The following CSGALNACT1 variants were observed in gnomAD, a reference collection of about 807,000 sequenced individuals.
The protein encoded by CSGALNACT1 is beta4GalNAcT-1.
A neutral mutation model predicts 51.0 loss-of-function variants in CSGALNACT1; 52 were observed. The ratio of observed to expected loss-of-function variants is 1.02; its 90% confidence interval spans 0.82 to 1.29. The LOEUF (loss-of-function observed/expected upper bound fraction) is 1.29. CSGALNACT1 is among the 50% of genes most tolerant of loss of function. The pLI, the probability that CSGALNACT1 is intolerant of heterozygous loss-of-function variation, is 0.00. For missense variants in CSGALNACT1, 935 were observed against 679.2 expected (o/e 1.38, Z -4.19); for synonymous variants, 341 against 254.4 (o/e 1.34, Z -3.24).
intron 1 of CSGALNACT1, among the ~76,000 whole-genome samples, chr8:19,689,696 T>C (rs1327871412): frequency 1.3e-5 from 2 of 152,174 alleles, no homozygotes; most frequent in Admixed American, 1.3e-4. Context: ...CCAACCAAAA[T>C]AGAGTCACTC....
chr8:19,509,472 A>G (rs749020927), intron 3 of CSGALNACT1, among the ~76,000 whole-genome samples: 5 of 152,022 alleles, frequency 3.3e-5, no homozygotes, highest in Non-Finnish European at 5.9e-5. Context: ...TACAAAAATT[A>G]GTCAGGTATC....
At chr8:19,470,140 C>G (rs1268835309) in intron 4 of CSGALNACT1, among the ~76,000 whole-genome samples, 2 of 152,128 alleles carry the variant, frequency 1.3e-5, no homozygotes, top group Non-Finnish European at 2.9e-5. Context: ...ATGGGACCTA[C>G]AACCCCGCAA....
At chr8:19,407,923 G>GTGTC (rs1554499515) in intron 9 of CSGALNACT1, among the ~76,000 whole-genome samples, 2 of 130,876 alleles carry the variant, frequency 1.5e-5, no homozygotes, top group African/African-American at 5.1e-5. Context: ...GTGTGTGTGT[G>GTGTC]TGTGTGTGTG....
intron 1 of CSGALNACT1, among the ~76,000 whole-genome samples, chr8:19,656,567 T>C (rs1447787121): frequency 6.8e-6 from 1 of 147,778 alleles, no homozygotes; most frequent in Non-Finnish European, 1.5e-5. Context: ...ACACACACAG[T>C]GACCAAGAAC....
At chr8:19,615,864 T>C (rs1234727770) in intron 1 of CSGALNACT1, among the ~76,000 whole-genome samples, 1 of 145,718 alleles carries the variant, frequency 6.9e-6, no homozygotes. Flanking sequence ...ACAAAGAACA[T>C]GTGAAAAACG....
intron 3 of CSGALNACT1, among the ~76,000 whole-genome samples, chr8:19,530,305 TACACATAC>T (rs1445065126): frequency 6.9e-4 from 103 of 149,224 alleles, no homozygotes; most frequent in East Asian, 5.5e-3. Context: ...CATGAATGTG[TACACATAC>T]ACACACACAC....
intron 1 of CSGALNACT1, among the ~76,000 whole-genome samples, chr8:19,632,704 G>T (rs896931322): frequency 6.6e-6 from 1 of 152,138 alleles, no homozygotes; most frequent in South Asian, 2.1e-4. Context: ...CTCTCCCCAG[G>T]AAAGGAAAGT....
intron 5 of CSGALNACT1, 41 bp downstream of exon 4, chr8:19,458,385 A>G (rs1211997786): frequency 1.6e-5 from 24 of 1,467,300 alleles, no homozygotes; most frequent in Non-Finnish European, 1.9e-6. Context: ...GTTCTAACAC[A>G]CATCATGCGG....
chr8:19,580,985 G>C (rs2045439866), intron 3 of CSGALNACT1, among the ~76,000 whole-genome samples: 1 of 152,132 alleles, frequency 6.6e-6, no homozygotes, highest in African/African-American at 2.4e-5. Flanking sequence ...TTGAAAATAT[G>C]AGAAACAGCT....
intron 1 of CSGALNACT1, among the ~76,000 whole-genome samples, chr8:19,644,327 A>T (rs1229869049): frequency 4.0e-5 from 6 of 151,546 alleles, no homozygotes; most frequent in African/African-American, 1.2e-4. Flanking sequence ...CATAATTAGT[A>T]TATTTCTTTT....
chr8:19,749,419 G>T (rs1366902497), intron 1 of CSGALNACT1, among the ~76,000 whole-genome samples: 1 of 151,884 alleles, frequency 6.6e-6, no homozygotes, highest in Admixed American at 6.6e-5. Flanking sequence ...CTTATTCACA[G>T]AAGGGCTGGT....
intron 1 of CSGALNACT1, among the ~76,000 whole-genome samples, chr8:19,647,886 A>C (rs966965520): frequency 4.6e-5 from 7 of 152,220 alleles, no homozygotes; most frequent in African/African-American, 1.2e-4. Flanking sequence ...AATTTGCATA[A>C]TGAGACATTT....
chr8:19,713,028 C>T (rs995665659), intron 1 of CSGALNACT1, among the ~76,000 whole-genome samples: 3 of 152,200 alleles, frequency 2.0e-5, no homozygotes, highest in Non-Finnish European at 4.4e-5. Flanking sequence ...TTCTCTCTTC[C>T]TCCCATCTTT....
intron 5 of CSGALNACT1, among the ~76,000 whole-genome samples, chr8:19,454,864 A>G (rs938659490): frequency 8.5e-5 from 13 of 152,238 alleles, no homozygotes; most frequent in African/African-American, 3.1e-4. Flanking sequence ...TCTCTTGGGA[A>G]CTAATGTCTC....
intron 1 of CSGALNACT1, among the ~76,000 whole-genome samples, chr8:19,689,500 G>A (rs1266345599): frequency 6.6e-6 from 1 of 152,154 alleles, no homozygotes; most frequent in Non-Finnish European, 1.5e-5. Flanking sequence ...CTGTTGTTTT[G>A]AGCCACTGTT....
At chr8:19,542,993 T>C (rs1252243596) in intron 3 of CSGALNACT1, among the ~76,000 whole-genome samples, 1 of 152,154 alleles carries the variant, frequency 6.6e-6, no homozygotes, top group Non-Finnish European at 1.5e-5. Context: ...TAGACTAAGC[T>C]ACCAACAGTA....
chr8:19,554,095 G>A (rs1022502710), intron 3 of CSGALNACT1, among the ~76,000 whole-genome samples: 2 of 152,006 alleles, frequency 1.3e-5, no homozygotes, highest in Non-Finnish European at 2.9e-5. Context: ...GAGAATAATA[G>A]AGAACGAATG....
intron 3 of CSGALNACT1, among the ~76,000 whole-genome samples, chr8:19,537,141 T>G (rs949421098): frequency 6.6e-6 from 1 of 152,210 alleles, no homozygotes; most frequent in African/African-American, 2.4e-5. Context: ...TCTTTCCTCA[T>G]GAGTAAGCAG....
At chr8:19,412,256 A>C (rs1179678787) in intron 8 of CSGALNACT1, among the ~76,000 whole-genome samples, 1 of 152,208 alleles carries the variant, frequency 6.6e-6, no homozygotes, top group African/African-American at 2.4e-5. Context: ...GTACCACAAA[A>C]GGACAGTTGT....
Sources: gnomAD v4.1 joint callset for allele counts (sites outside exome capture counted in the v4.1 genomes callset) on GRCh38, gnomAD v4.1.1 for gene constraint, MANE v1.5 for transcripts, NCBI Gene and HGNC (gene_info 2026-07-23, HGNC 2026-07-21) for gene names.